GRID2: variants seen among roughly 807,000 people sequenced by gnomAD.
GRID2 encodes the protein glutamate receptor ionotropic, delta-2.
A neutral mutation model predicts 114.8 loss-of-function variants in GRID2; 33 were observed. That is an observed-to-expected ratio of 0.29 (90% CI 0.22 to 0.38). GRID2 has a LOEUF of 0.38. GRID2 is among the 10% of genes least tolerant of loss of function. GRID2 has a pLI of 1.00. For missense variants in GRID2, 1,184 were observed against 1,257.7 expected (o/e 0.94, Z 0.89); for synonymous variants, 505 against 449.9 (o/e 1.12, Z -1.55).
intron 4 of GRID2, among the ~76,000 whole-genome samples, chr4:93,181,006 G>A (rs1040215838): frequency 6.6e-6 from 1 of 152,126 alleles, no homozygotes; most frequent in Non-Finnish European, 1.5e-5. Context: ...GTAGAATGAT[G>A]AATTTGTTCC....
At chr4:93,200,562 T>C in intron 4 of GRID2, among the ~76,000 whole-genome samples, 1 of 124,648 alleles carries the variant, frequency 8.0e-6, no homozygotes, top group Admixed American at 8.9e-5. Context: ...CGAGACTCCG[T>C]CTCAAAACAA....
At chr4:92,601,511 T>A (rs1729214378) in intron 2 of GRID2, among the ~76,000 whole-genome samples, 1 of 152,108 alleles carries the variant, frequency 6.6e-6, no homozygotes, top group Non-Finnish European at 1.5e-5. Context: ...CATACCAGAT[T>A]CTCTGGGACA....
intron 1 of GRID2, among the ~76,000 whole-genome samples, chr4:92,500,808 G>A (rs1222761131): frequency 6.6e-6 from 1 of 152,136 alleles, no homozygotes; most frequent in East Asian, 1.9e-4. Flanking sequence ...TGGTCTAGAA[G>A]CTCTTCCGGG....
chr4:93,470,029 T>A (rs1353128195), intron 11 of GRID2, among the ~76,000 whole-genome samples: 1 of 152,150 alleles, frequency 6.6e-6, no homozygotes, highest in Non-Finnish European at 1.5e-5. Context: ...TCTGAGCTTG[T>A]ATTGACCCAA....
intron 9 of GRID2, among the ~76,000 whole-genome samples, chr4:93,414,185 A>T (rs1767480560): frequency 6.6e-6 from 1 of 152,136 alleles, no homozygotes; most frequent in Non-Finnish European, 1.5e-5. Context: ...TGTCTTATTA[A>T]ATCCATTTTA....
intron 2 of GRID2, among the ~76,000 whole-genome samples, chr4:92,827,053 C>T (rs542979483): frequency 6.6e-6 from 1 of 152,138 alleles, no homozygotes; most frequent in African/African-American, 2.4e-5. Flanking sequence ...CTTCTCCCCT[C>T]CAGTTACATT....
At chr4:93,750,078 CA>C (rs374870595) in intron 14 of GRID2, among the ~76,000 whole-genome samples, 5 of 152,300 alleles carry the variant, frequency 3.3e-5, no homozygotes, top group African/African-American at 1.2e-4. Flanking sequence ...TTTTATTCAG[CA>C]AATTGATCGA....
At chr4:92,606,678 G>T (rs1367338221) in intron 2 of GRID2, among the ~76,000 whole-genome samples, 3 of 151,512 alleles carry the variant, frequency 2.0e-5, no homozygotes, top group Admixed American at 6.6e-5. Flanking sequence ...TTCCCCTTTC[G>T]TTGGCTGCAC....
intron 2 of GRID2, among the ~76,000 whole-genome samples, chr4:93,083,907 T>C (rs1578941571): frequency 6.6e-6 from 1 of 152,042 alleles, no homozygotes; most frequent in East Asian, 1.9e-4. Flanking sequence ...CTTTTAAGCT[T>C]GCACTTTAAA....
chr4:93,296,763 C>T (rs1287488521), intron 8 of GRID2, among the ~76,000 whole-genome samples: 1 of 152,136 alleles, frequency 6.6e-6, no homozygotes, highest in African/African-American at 2.4e-5. Context: ...GAGATAGTTT[C>T]CTGAGTCTAA....
chr4:92,657,459 C>T (rs1732299873), intron 2 of GRID2, among the ~76,000 whole-genome samples: 1 of 151,458 alleles, frequency 6.6e-6, no homozygotes, highest in South Asian at 2.1e-4. Context: ...ATTATTCAAG[C>T]AGATAGCGTC....
intron 9 of GRID2, among the ~76,000 whole-genome samples, chr4:93,408,649 C>T (rs2149349241): frequency 6.6e-6 from 1 of 152,068 alleles, no homozygotes; most frequent in Middle Eastern, 3.4e-3. Context: ...TTTTATGTGC[C>T]TTATTATTAA....
chr4:92,468,717 A>G (rs1721876270), intron 1 of GRID2, among the ~76,000 whole-genome samples: 1 of 152,106 alleles, frequency 6.6e-6, no homozygotes, highest in South Asian at 2.1e-4. Context: ...GCAAGGCTCC[A>G]TAAATATATT....
At chr4:92,460,042 A>ATG (rs1579403469) in intron 1 of GRID2, among the ~76,000 whole-genome samples, 1 of 114,450 alleles carries the variant, frequency 8.7e-6, no homozygotes, top group East Asian at 3.3e-4. Flanking sequence ...CTATATATAT[A>ATG]TATATATATA....
rs562229180 is a variant in GRID2 at position 92,452,169 on chromosome 4, T to C, written c.89-137962T>C. On this transcript the variant is annotated intron_variant, in intron 1 of 15. Coordinates refer to ENST00000282020, the MANE Select transcript of GRID2 (RefSeq NM_001510.4). ...TATATACTTGGCTATTGAACACAGA[T>C]GCCCTAACAGTGAAAGTTTTAATAA... Among the ~76,000 whole-genome samples the C allele has an allele frequency of 9.2e-5, 14 of 152,310 alleles. No homozygotes were observed. The South Asian group carries it at 2.9e-3, about 32-fold the overall frequency.
At chr4:92,485,301 C>CATATATATATAT (rs34583484) in intron 1 of GRID2, among the ~76,000 whole-genome samples, 4 of 56,566 alleles carry the variant, frequency 7.1e-5, no homozygotes, top group African/African-American at 1.8e-4. Context: ...AAGGTGTGTG[C>CATATATATATAT]ATATATATAT....
intron 1 of GRID2, among the ~76,000 whole-genome samples, chr4:92,547,581 C>T (rs1014447951): frequency 3.3e-5 from 5 of 152,098 alleles, no homozygotes; most frequent in Admixed American, 3.3e-4. Context: ...AAAAAATACT[C>T]ACATTTTAAA....
intron 2 of GRID2, among the ~76,000 whole-genome samples, chr4:92,598,057 G>C (rs6853250): frequency 0.036 from 5,479 of 152,260 alleles, 303 homozygotes; most frequent in African/African-American, 0.12. Flanking sequence ...CAAGTGTAAT[G>C]AGGTTTATGG....
At chr4:92,734,586 A>AC (rs1368294638) in intron 2 of GRID2, among the ~76,000 whole-genome samples, 3 of 151,908 alleles carry the variant, frequency 2.0e-5, no homozygotes, top group African/African-American at 7.3e-5. Context: ...GCCCAGCCTT[A>AC]CTTTTTTTTA....
Sources: gnomAD v4.1 joint callset for allele counts (sites outside exome capture counted in the v4.1 genomes callset) on GRCh38, gnomAD v4.1.1 for gene constraint, MANE v1.5 for transcripts, NCBI Gene and HGNC (gene_info 2026-07-23, HGNC 2026-07-21) for gene names.